The following LAT variants were observed in gnomAD, a reference collection of about 807,000 sequenced individuals.
LAT encodes the protein linker for activation of T-cells family member 1.
LAT carries 12 observed loss-of-function variants against 39.1 expected under a neutral mutation model. The observed-to-expected ratio is 0.31, with a 90% CI of 0.20 to 0.50. The LOEUF is 0.50. Ranked by LOEUF, LAT falls within the 20% of genes least tolerant of loss-of-function variation. LAT has a pLI of 0.98. For synonymous variants in LAT, 117 were observed against 123.8 expected, an observed-to-expected ratio of 0.95 and a Z score of 0.36; for missense variants, 253 against 308.0, an observed-to-expected ratio of 0.82 and a Z score of 1.34.
Position 28,990,316 on chromosome 16 carries a change from C to T in LAT, c.*135C>T. The T allele has an allele frequency of 1.6e-6, 1 of 618,294 alleles. No homozygotes were observed. The highest frequency in any genetic ancestry group is 1.5e-5 in the South Asian group (1 of 65,332). 38.3% of individuals were successfully genotyped at this position (618,294 alleles called of 1,614,324 possible). A position where few individuals can be genotyped will look rare whatever the true frequency, so the allele number is the denominator to read the frequency against. On this transcript the variant is annotated 3_prime_UTR_variant, in exon 12 of 12. Transcript: ENST00000395456. ...GCCTGACAACAGCCTGAGAAATCCC[C>T]CCGTAACTTATTATCACTTTGGGGT...
upstream of LAT, chr16:28,985,034 CCTCGCCCGGCGCTCA>C: frequency 7.0e-7 from 1 of 1,425,434 alleles, no homozygotes; most frequent in Non-Finnish European, 9.2e-7. This position sits in a 1 kb window ranked among gnomAD's most constrained non-coding sequence, Gnocchi z 4.6. Flanking sequence ...GATTTCCTGC[CCTCGCCCGGCGCTCA>C]CCACAGCTTC....
intron 8 of LAT, 110 bp downstream of exon 8, chr16:28,987,003 C>A (rs1398473206): frequency 2.3e-6 from 2 of 872,784 alleles, no homozygotes; most frequent in African/African-American, 3.4e-5. Flanking sequence ...CAGTGATCCT[C>A]CCAAGTAGGC....
At position 28,990,335 on chromosome 16, in the gene LAT, T is replaced by C; in HGVS notation, c.*154T>C. The stretch of plus-strand genomic sequence containing the variant: ...AATCCCCCCGTAACTTATTATCACT[T>C]TGGGGTTCGGCCTGTGTCCCCCGAA... On this transcript the variant is annotated 3_prime_UTR_variant, in exon 12 of 12. Coordinates refer to ENST00000395456, the MANE Select transcript of LAT (RefSeq NM_001014987.2). The C allele has an allele frequency of 1.8e-6, 1 of 563,750 alleles. No individual in the cohort carries two copies. The highest frequency in any genetic ancestry group is 1.6e-5 in the South Asian group (1 of 63,180). 34.9% of individuals were successfully genotyped at this position (563,750 alleles called of 1,614,324 possible). A position where few individuals can be genotyped will look rare whatever the true frequency, so the allele number is the denominator to read the frequency against.
chr16:28,986,802 G>A lies in LAT; in HGVS notation c.402G>A (p.Val134=). The change falls in exon 8 of 12, where the codon GTG becomes GTA. Residue 134 remains valine, a synonymous_variant. Coordinates refer to ENST00000395456, the MANE Select transcript of LAT (RefSeq NM_001014987.2). The surrounding 1 kb of genome is among the most constrained non-coding windows in gnomAD (Gnocchi z 5.7). The part of the protein sequence containing the change: ...EDDYHNPGYL[V]VLPDSTPATS... ...GGCCCTTTTCACTTCCTTTCAGGGT[G>A]GTGCTTCCTGACAGCACCCCGGCCA... 1 of 1,613,740 alleles carries A rather than the reference G, an allele frequency of 6.2e-7. No individual in the cohort carries two copies. The highest frequency in any genetic ancestry group is 2.2e-5 in the East Asian group (1 of 44,864).
chr16:28,987,160 C>G (rs1205913761), intron 8 of LAT, among the ~76,000 whole-genome samples: 1 of 152,192 alleles, frequency 6.6e-6, no homozygotes, highest in African/African-American at 2.4e-5. Context: ...CCTCCCACCT[C>G]GGGCTCCCAA....
rs571062779 is a variant in LAT, at chr16:28,985,208, T to C, written c.-210T>C. Reference sequence around the variant, plus strand: ...GGAGCAGGGACTTTCCACAGTCAGCTGGACGCACACTCAGCCCAGTAAAAG... The same window carrying C: ...GGAGCAGGGACTTTCCACAGTCAGCCGGACGCACACTCAGCCCAGTAAAAG... On this transcript the variant is annotated 5_prime_UTR_variant, in exon 1 of 12. Transcript: ENST00000395456. This position sits in a 1 kb window ranked among gnomAD's most constrained non-coding sequence, Gnocchi z 4.6. 4 of 1,431,484 alleles carry C rather than the reference T, an allele frequency of 2.8e-6. No individual in the cohort carries two copies. The highest frequency in any genetic ancestry group is 3.6e-6 in the Non-Finnish European group (4 of 1,097,326). 88.7% of individuals were successfully genotyped at this position (1,431,484 alleles called of 1,614,324 possible).
At position 28,986,310 on chromosome 16, in the gene LAT, C is replaced by A. The variant is rs781160519; in HGVS notation, c.246-72C>A. 1 of 1,590,308 alleles carries A rather than the reference C, an allele frequency of 6.3e-7. No individual in the cohort carries two copies. Among genetic ancestry groups the A allele is most frequent in the Non-Finnish European group, 8.6e-7 (1 of 1,161,856 alleles). The stretch of plus-strand genomic sequence containing the variant: ...CCTTCACTTTTTTGGATTGGGGGCC[C>A]CTTTCCCTTTTGCAACTGCTGTTGC... On this transcript the variant is annotated intron_variant, in intron 4 of 11. Coordinates refer to ENST00000395456, the MANE Select transcript of LAT (RefSeq NM_001014987.2). This position sits in a 1 kb window ranked among gnomAD's most constrained non-coding sequence, Gnocchi z 5.7.
chr16:28,990,166 C>A (rs1269281867), intron 11 of LAT, 23 bp from the exon 12 acceptor site: 1 of 734,860 alleles, frequency 1.4e-6, no homozygotes, highest in Non-Finnish European at 2.4e-6. Context: ...ATCCGTATCC[C>A]TCCCTGCCCT....
Position 28,989,602 on chromosome 16 carries a change from T to C in LAT, c.556+13T>C. ...GAAGCGTCTCTGGGTGAGTGACCGG[T>C]GCTTGTCGGTGCCTGCCCCTGCACC... On this transcript the variant is annotated intron_variant, in intron 9 of 11. Transcript: ENST00000395456. The C allele has an allele frequency of 1.2e-6, 2 of 1,605,228 alleles. No homozygotes were observed. The highest frequency in any genetic ancestry group is 1.7e-6 in the Non-Finnish European group (2 of 1,175,276).
At position 28,986,106 on chromosome 16, in the gene LAT, C is replaced by A; in HGVS notation, c.164-29C>A. 1 of 1,561,416 alleles carries A rather than the reference C, an allele frequency of 6.4e-7. No individual in the cohort carries two copies. The highest frequency in any genetic ancestry group is 8.7e-7 in the Non-Finnish European group (1 of 1,148,176). ...TGAGGCCTTGACGATGTCCGGAGTC[C>A]TTCTTTCAACTTGGTTCTGTGTCCT... On this transcript the variant is annotated intron_variant, in intron 3 of 11. Transcript: ENST00000395456. The surrounding 1 kb of genome is among the most constrained non-coding windows in gnomAD (Gnocchi z 5.7).
Position 28,989,585 on chromosome 16 carries a change from T to C in LAT, c.552T>C (p.Ser184=). ...AGAGCGGGGAGAGCGCAGAAGCGTC[T>C]CTGGGTGAGTGACCGGTGCTTGTCG... The part of the protein sequence containing the change: ...VPESGESAEA[S]LDGSREYVNV... Residue 184 remains serine (S), a synonymous_variant, in exon 9 of 12, where the codon TCT becomes TCC. Transcript: ENST00000395456. The C allele has an allele frequency of 1.9e-6, 3 of 1,610,108 alleles. No individual in the cohort carries two copies. The highest frequency in any genetic ancestry group is 1.7e-6 in the Non-Finnish European group (2 of 1,177,846).
At position 28,986,579 on chromosome 16, in the gene LAT, G is replaced by T; in HGVS notation, c.340+10G>T. Reference sequence around the variant, plus strand: ...AGCTACGAGAACGAGGGTGCGTCTGGGATCCGAGGTGCCCAGGCTGGGTGG... The same window carrying T: ...AGCTACGAGAACGAGGGTGCGTCTGTGATCCGAGGTGCCCAGGCTGGGTGG... On this transcript the variant is annotated intron_variant, in intron 6 of 11. Transcript: ENST00000395456. This position sits in a 1 kb window ranked among gnomAD's most constrained non-coding sequence, Gnocchi z 5.7. 1 of 1,613,396 alleles carries T rather than the reference G, an allele frequency of 6.2e-7. No homozygotes were observed.
chr16:28,986,207 T>A lies in LAT; in HGVS notation c.236T>A (p.Leu79His). ...SYPPLSQPDL[L>H]PIPRSPQPLG... is the part of the protein sequence containing the mutation. ...CCACCCCTGAGCCAGCCAGACCTGC[T>A]CCCCATCCCGTGAGTAGCTGCTCAG... is the stretch of plus-strand genomic sequence containing the variant. Residue 79 changes from leucine to histidine, a missense_variant, in exon 4 of 12, where the codon CTC (leucine) becomes CAC (histidine). Physicochemically the swap from Leu to His is moderately conservative, Grantham distance 99. Coordinates refer to ENST00000395456, the MANE Select transcript of LAT (RefSeq NM_001014987.2). The surrounding 1 kb of genome is among the most constrained non-coding windows in gnomAD (Gnocchi z 5.7). 1.3e-6 allele frequency: 2 copies of A among 1,597,790 alleles called. No homozygotes were observed.
chr16:28,990,074 C>A (rs1207913171), intron 11 of LAT, 55 bp downstream of exon 11: 2 of 1,432,132 alleles, frequency 1.4e-6, no homozygotes, highest in African/African-American at 1.4e-5. Flanking sequence ...TCTACTCCTT[C>A]CCTCCAGGAC....
chr16:28,988,785 C>T (rs993184243), intron 8 of LAT: 1 of 152,272 alleles, frequency 6.6e-6, no homozygotes, highest in South Asian at 2.1e-4. Flanking sequence ...GATCCCAGCA[C>T]TTTGGGAGGC....
In LAT at chr16:28,986,776, C is replaced by T. The variant is rs41280848; in HGVS notation, c.399-23C>T. On this transcript the variant is annotated intron_variant, in intron 7 of 11. Coordinates refer to ENST00000395456, the MANE Select transcript of LAT (RefSeq NM_001014987.2). The surrounding 1 kb of genome is among the most constrained non-coding windows in gnomAD (Gnocchi z 5.7). ...AGGCTGTGCGTCCCCCCTTGCTCAC[C>T]GGCCCTTTTCACTTCCTTTCAGGGT... 16,128 of 1,611,680 alleles carry T rather than the reference C, an allele frequency of 0.01. 129 individuals are homozygous for T. Among genetic ancestry groups the T allele is most frequent in the Non-Finnish European group, 0.012 (13,795 of 1,178,564 alleles).
At position 28,985,725 on chromosome 16, in the gene LAT, G is replaced by A. The variant is rs1965732176; in HGVS notation, c.113G>A (p.Ser38Asn). ...HCHRLPGSYD[S>N]TSSDSLYPRG... ...CTCTCTTTCCCAGGCTCCTACGACA[G>A]CACATCCTCAGATAGGTGAGTCCGC... is the stretch of plus-strand genomic sequence containing the variant. The change falls in exon 2 of 12, where the codon AGC (serine) becomes AAC (asparagine). Residue 38 changes from serine (S) to asparagine (N), a missense_variant. By Grantham distance (46) the Ser-to-Asn change is conservative (BLOSUM62 1). Coordinates refer to ENST00000395456, the MANE Select transcript of LAT (RefSeq NM_001014987.2). The surrounding 1 kb of genome is among the most constrained non-coding windows in gnomAD (Gnocchi z 4.6). The A allele has an allele frequency of 6.2e-7, 1 of 1,614,006 alleles. No homozygotes were observed. Among genetic ancestry groups the A allele is most frequent in the African/African-American group, 1.3e-5 (1 of 75,036 alleles).
In LAT at chr16:28,985,333, G is replaced by A. The variant is rs756489699; in HGVS notation, c.-85G>A. ...CTGCCCCCTGCTCCCTGCCGGGTCC[G>A]GTCCTCACCCCATCTTCATCTGGCC... On this transcript the variant is annotated 5_prime_UTR_variant, in exon 1 of 12. Coordinates refer to ENST00000395456, the MANE Select transcript of LAT (RefSeq NM_001014987.2). This position sits in a 1 kb window ranked among gnomAD's most constrained non-coding sequence, Gnocchi z 4.6. The A allele has an allele frequency of 8.9e-6, 14 of 1,576,456 alleles. No individual in the cohort carries two copies. The highest frequency in any genetic ancestry group is 4.5e-5 in the East Asian group (2 of 44,126).
upstream of LAT, chr16:28,984,822 G>T (rs1294178662): frequency 2.6e-6 from 4 of 1,545,032 alleles, no homozygotes. Context: ...AATTCCCACT[G>T]TCAGGGCCTC....
Sources: gnomAD v4.1 joint callset for allele counts (sites outside exome capture counted in the v4.1 genomes callset) on GRCh38, gnomAD v4.1.1 for gene constraint, Gnocchi (gnomAD v3.1) non-coding constraint, MANE v1.5 for transcripts, NCBI Gene and HGNC (gene_info 2026-07-23, HGNC 2026-07-21) for gene names.